Variants in LTBP1 observed in about 807,000 individuals in gnomAD.
LTBP1 encodes latent transforming growth factor beta binding protein 1, also known as latent-transforming growth factor beta-binding protein 1.
LTBP1 carries 129 observed loss-of-function variants against 207.6 expected under a neutral mutation model. That is an observed-to-expected ratio of 0.62 (90% CI 0.54 to 0.72). The LOEUF (loss-of-function observed/expected upper bound fraction) is 0.72. Among genes scored for constraint, LTBP1 ranks in the 30% least tolerant of loss-of-function variants. The probability of loss-of-function intolerance (pLI) is 0.00; values close to 1 mark genes in which losing one functional copy is unlikely to be tolerated. For missense variants in LTBP1, 2,281 were observed against 2,217.2 expected, an observed-to-expected ratio of 1.03 and a Z score of -0.58; for synonymous variants, 963 against 833.7, an observed-to-expected ratio of 1.16 and a Z score of -2.67.
At chr2:33,055,682 G>T (rs1255072332) in intron 3 of LTBP1, among the ~76,000 whole-genome samples, 1 of 152,200 alleles carries the variant, frequency 6.6e-6, no homozygotes, top group Non-Finnish European at 1.5e-5. Flanking sequence ...TCAAAGGTTT[G>T]CCCTAGACCC....
chr2:33,035,588 A>G (rs1322007522), intron 3 of LTBP1, among the ~76,000 whole-genome samples: 1 of 152,244 alleles, frequency 6.6e-6, no homozygotes, highest in East Asian at 1.9e-4. Flanking sequence ...ATGCATTGTG[A>G]GAAATTCGGA....
At chr2:33,208,677 C>T (rs1235112435) in intron 7 of LTBP1, among the ~76,000 whole-genome samples, 1 of 152,134 alleles carries the variant, frequency 6.6e-6, no homozygotes, top group Non-Finnish European at 1.5e-5. Flanking sequence ...GCCCTCAGCC[C>T]TGCCCTGGAG....
intron 3 of LTBP1, among the ~76,000 whole-genome samples, chr2:33,104,681 G>T (rs1301676553): frequency 1.3e-5 from 2 of 152,020 alleles, no homozygotes; most frequent in African/African-American, 4.8e-5. Flanking sequence ...AGACTGTGTG[G>T]CTCCCTGTTG....
chr2:33,092,540 T>G (rs2079161137), intron 3 of LTBP1, among the ~76,000 whole-genome samples: 1 of 152,192 alleles, frequency 6.6e-6, no homozygotes. Context: ...CTCCCTGCCT[T>G]CTGATTTTTA....
intron 7 of LTBP1, among the ~76,000 whole-genome samples, chr2:33,202,587 C>T (rs944170087): frequency 1.3e-5 from 2 of 152,214 alleles, no homozygotes; most frequent in African/African-American, 4.8e-5. Flanking sequence ...TATTGTAACA[C>T]TTTTCACACT....
chr2:33,195,437 G>T (rs533919817), intron 7 of LTBP1, among the ~76,000 whole-genome samples: 1 of 152,240 alleles, frequency 6.6e-6, no homozygotes, highest in African/African-American at 2.4e-5. Context: ...CACCCTTATG[G>T]ATGACTTTGA....
chr2:33,301,191 TC>T (rs2093983424), intron 21 of LTBP1, among the ~76,000 whole-genome samples: 1 of 152,198 alleles, frequency 6.6e-6, no homozygotes, highest in Non-Finnish European at 1.5e-5. Context: ...AGTATGTGCT[TC>T]CTGAACTTGA....
intron 2 of LTBP1, among the ~76,000 whole-genome samples, chr2:32,949,461 C>G (rs745823983): frequency 6.4e-4 from 98 of 152,212 alleles, no homozygotes; most frequent in Non-Finnish European, 1.3e-3. Context: ...CTCTGCTGCT[C>G]TTCAGAACTG....
Position 33,030,166 on chromosome 2 carries a change from T to C in LTBP1, c.863+8960T>C, listed in dbSNP as rs551416777. On this transcript the variant is annotated intron_variant, in intron 3 of 33. Transcript: ENST00000404816. ...AGTGAGGCATCAGTCTTCCTTAATT[T>C]GTTCAAAGCCTCTTTATGCAGCAGC... 1.2e-4 allele frequency among the ~76,000 whole-genome samples: 19 copies of C among 152,330 alleles called. 1 individual carries two copies. In the East Asian group the frequency reaches 3.5e-3, roughly 28 times the overall value.
At chr2:33,149,823 TGTC>T (rs2083367564) in intron 5 of LTBP1, among the ~76,000 whole-genome samples, 1 of 152,186 alleles carries the variant, frequency 6.6e-6, no homozygotes, top group African/African-American at 2.4e-5. Context: ...ATTTGCAATG[TGTC>T]TGAGCTATGG....
intron 26 of LTBP1, among the ~76,000 whole-genome samples, chr2:33,349,180 G>C (rs1251752292): frequency 1.3e-5 from 2 of 152,210 alleles, no homozygotes; most frequent in Non-Finnish European, 2.9e-5. Context: ...GCCAGGTGCA[G>C]TGGCTCACGC....
At chr2:33,169,736 T>C (rs546258528) in intron 5 of LTBP1, among the ~76,000 whole-genome samples, 1 of 152,166 alleles carries the variant, frequency 6.6e-6, no homozygotes, top group African/African-American at 2.4e-5. Context: ...ATAAGACAAA[T>C]AGAATCTTAA....
intron 5 of LTBP1, among the ~76,000 whole-genome samples, chr2:33,170,270 C>A (rs545390782): frequency 2.4e-4 from 37 of 151,846 alleles, no homozygotes; most frequent in Non-Finnish European, 2.4e-4. Flanking sequence ...GGGTGACAGA[C>A]GGCACCTGGA....
intron 22 of LTBP1, among the ~76,000 whole-genome samples, chr2:33,306,073 C>T (rs1314679338): frequency 6.6e-6 from 1 of 152,110 alleles, no homozygotes; most frequent in Non-Finnish European, 1.5e-5. Context: ...ATGTTGTGCT[C>T]TCGTAATGTT....
chr2:33,303,846 C>T (rs1285365650), intron 22 of LTBP1, among the ~76,000 whole-genome samples: 3 of 152,266 alleles, frequency 2.0e-5, no homozygotes, highest in Admixed American at 6.5e-5. Context: ...GGACCCGTAC[C>T]GGTCCATGGC....
chr2:33,106,201 A>G (rs905997208), intron 3 of LTBP1, among the ~76,000 whole-genome samples: 3 of 152,182 alleles, frequency 2.0e-5, no homozygotes, highest in Admixed American at 2.0e-4. Flanking sequence ...TATTTCCACC[A>G]CATCTGCAGT....
chr2:33,013,935 C>T (rs962972465), intron 2 of LTBP1, among the ~76,000 whole-genome samples: 1 of 152,188 alleles, frequency 6.6e-6, no homozygotes, highest in Non-Finnish European at 1.5e-5. Flanking sequence ...GACTTGTAGT[C>T]CCTTTAATTT....
At chr2:33,266,924 T>C (rs1408156057) in intron 15 of LTBP1, among the ~76,000 whole-genome samples, 1 of 152,170 alleles carries the variant, frequency 6.6e-6, no homozygotes, top group Non-Finnish European at 1.5e-5. Flanking sequence ...CTCACCATGT[T>C]GAGGGTGCCG....
intron 3 of LTBP1, among the ~76,000 whole-genome samples, chr2:33,060,135 T>C (rs1160245213): frequency 6.6e-6 from 1 of 152,180 alleles, no homozygotes; most frequent in Non-Finnish European, 1.5e-5. Flanking sequence ...CTCCCACATA[T>C]TTTACCCTTC....
Sources: gnomAD v4.1 joint callset for allele counts (sites outside exome capture counted in the v4.1 genomes callset) on GRCh38, gnomAD v4.1.1 for gene constraint, MANE v1.5 for transcripts, NCBI Gene and HGNC (gene_info 2026-07-23, HGNC 2026-07-21) for gene names.